Variants in GPC5 observed in about 807,000 individuals in gnomAD.
The protein encoded by GPC5 is glypican 5, also known as glypican-5.
GPC5 carries 47 observed loss-of-function variants against 53.9 expected under a neutral mutation model. The observed-to-expected ratio is 0.87, with a 90% confidence interval of 0.69 to 1.11. The LOEUF is 1.11. Among genes scored for constraint, GPC5 ranks in the 50% most tolerant of loss-of-function variants. The probability of loss-of-function intolerance (pLI) is 0.00; values close to 1 mark genes in which losing one functional copy is unlikely to be tolerated. For synonymous variants in GPC5, 286 were observed against 263.3 expected, an observed-to-expected ratio of 1.09 and a Z score of -0.84; for missense variants, 748 against 713.1, an observed-to-expected ratio of 1.05 and a Z score of -0.56.
Position 92,230,177 on chromosome 13 carries a change from T to G in GPC5, c.1561+85188T>G, listed in dbSNP as rs369871034. Among the ~76,000 whole-genome samples the G allele has an allele frequency of 4.6e-5, 7 of 152,316 alleles. No individual in the cohort carries two copies. In the East Asian group the frequency reaches 9.6e-4, roughly 21 times the overall value. ...TAACAGCTTTGCAAGTCATATGCACTGGCTTAATATCTCCATTACTCTTAT... is the reference window on the plus strand; with the variant it reads ...TAACAGCTTTGCAAGTCATATGCACGGGCTTAATATCTCCATTACTCTTAT... On this transcript the variant is annotated intron_variant, in intron 7 of 7. Coordinates refer to ENST00000377067, the MANE Select transcript of GPC5 (RefSeq NM_004466.6).
intron 1 of GPC5, among the ~76,000 whole-genome samples, chr13:91,432,588 G>A (rs563324610): frequency 3.9e-5 from 6 of 151,926 alleles, no homozygotes; most frequent in East Asian, 1.9e-4. Context: ...TGAATTTGTC[G>A]GTTGCCAAGT....
intron 2 of GPC5, among the ~76,000 whole-genome samples, chr13:91,541,138 C>G (rs529939719): frequency 5.3e-4 from 80 of 152,224 alleles, no homozygotes; most frequent in Non-Finnish European, 1.1e-3. Flanking sequence ...TTCTAATGCT[C>G]ATTCACATGA....
chr13:91,637,917 TCTC>T (rs1307079205), intron 2 of GPC5, among the ~76,000 whole-genome samples: 4 of 152,214 alleles, frequency 2.6e-5, no homozygotes, highest in Admixed American at 2.6e-4. Context: ...AGCCATTGCT[TCTC>T]CTGTGTTCCC....
intron 7 of GPC5, among the ~76,000 whole-genome samples, chr13:92,785,389 A>G (rs1180423613): frequency 6.6e-6 from 1 of 152,184 alleles, no homozygotes; most frequent in Non-Finnish European, 1.5e-5. Flanking sequence ...TCTCTCCCCA[A>G]GCTTTTAAGG....
At chr13:92,525,102 G>A (rs761126565) in intron 7 of GPC5, among the ~76,000 whole-genome samples, 2 of 152,084 alleles carry the variant, frequency 1.3e-5, no homozygotes, top group South Asian at 2.1e-4. Flanking sequence ...CCATACCATC[G>A]CATGGCACAT....
chr13:92,800,207 A>G (rs1048400177), intron 7 of GPC5, among the ~76,000 whole-genome samples: 1 of 151,844 alleles, frequency 6.6e-6, no homozygotes, highest in African/African-American at 2.4e-5. Context: ...CTGTAAAATA[A>G]TAGTTTTCAA....
chr13:92,725,705 T>A (rs567084625), intron 7 of GPC5, among the ~76,000 whole-genome samples: 123 of 151,712 alleles, frequency 8.1e-4, no homozygotes, highest in African/African-American at 2.7e-3. Context: ...TAACAAAAAA[T>A]TGGGCATTAC....
chr13:91,944,255 C>A (rs575871031), intron 6 of GPC5, among the ~76,000 whole-genome samples: 1 of 152,152 alleles, frequency 6.6e-6, no homozygotes, highest in Admixed American at 6.5e-5. Context: ...GCCACCACGC[C>A]CAGCTAATTT....
At chr13:92,013,525 T>G (rs566484731) in intron 6 of GPC5, among the ~76,000 whole-genome samples, 1 of 152,168 alleles carries the variant, frequency 6.6e-6, no homozygotes, top group African/African-American at 2.4e-5. Context: ...AACATTTGAT[T>G]GGCAAAAAGG....
chr13:92,239,818 A>T (rs2042596633), intron 7 of GPC5: 1 of 152,152 alleles, frequency 6.6e-6, no homozygotes, highest in Non-Finnish European at 1.5e-5. Flanking sequence ...ATACATATTA[A>T]AGTATATTTA....
chr13:92,144,984 C>T lies in GPC5; in HGVS notation c.1556C>T (p.Thr519Ile), dbSNP rs1286596565. ...SGEVKRTLKI[T>I]DWMPDDMNFS... is the part of the protein sequence containing the mutation. ...GAAGTCAAGAGGACACTGAAGATCA[C>T]AGACTGTAAGTGTATGATTCTAACA... Residue 519 changes from threonine (T) to isoleucine (I), a missense_variant, in exon 7 of 8, where the codon ACA becomes ATA. Physicochemically the swap from Thr to Ile is moderately conservative, Grantham distance 89 (BLOSUM62 -1). Transcript: ENST00000377067. 6.7e-7 allele frequency: 1 copy of T among 1,498,964 alleles called. No individual in the cohort carries two copies. Among genetic ancestry groups the T allele is most frequent in the Non-Finnish European group, 8.9e-7 (1 of 1,127,640 alleles). 92.9% of individuals were successfully genotyped at this position (1,498,964 alleles called of 1,614,324 possible). A position where few individuals can be genotyped will look rare whatever the true frequency, so the allele number is the denominator to read the frequency against.
chr13:92,084,424 G>T (rs1410467408), intron 6 of GPC5, among the ~76,000 whole-genome samples: 1 of 152,192 alleles, frequency 6.6e-6, no homozygotes, highest in African/African-American at 2.4e-5. Flanking sequence ...AGGTAAAATG[G>T]AAGAGTTGAG....
chr13:92,008,164 G>C (rs762734891), intron 6 of GPC5, among the ~76,000 whole-genome samples: 1 of 149,178 alleles, frequency 6.7e-6, no homozygotes, highest in Non-Finnish European at 1.5e-5. Flanking sequence ...CCGGGTTCAC[G>C]CCATTCTCCT....
At chr13:92,200,524 A>G (rs1012698886) in intron 7 of GPC5, among the ~76,000 whole-genome samples, 1 of 152,236 alleles carries the variant, frequency 6.6e-6, no homozygotes, top group African/African-American at 2.4e-5. Context: ...CTAGAAAATT[A>G]TAACAGTTGA....
At chr13:91,932,741 G>T (rs2039833526) in intron 6 of GPC5, among the ~76,000 whole-genome samples, 1 of 151,840 alleles carries the variant, frequency 6.6e-6, no homozygotes, top group Non-Finnish European at 1.5e-5. Context: ...GCACAGATTA[G>T]CTCTCAAATG....
At chr13:91,716,215 C>A (rs561082539) in intron 3 of GPC5, among the ~76,000 whole-genome samples, 1 of 152,126 alleles carries the variant, frequency 6.6e-6, no homozygotes, top group South Asian at 2.1e-4. Context: ...TATTGAGCAT[C>A]CTTGTATATG....
chr13:92,455,523 AAC>A (rs1202810746), intron 7 of GPC5, among the ~76,000 whole-genome samples: 2 of 152,172 alleles, frequency 1.3e-5, no homozygotes, highest in East Asian at 1.9e-4. Flanking sequence ...GTAACACAAA[AAC>A]ACACTGATTT....
intron 5 of GPC5, among the ~76,000 whole-genome samples, chr13:91,795,011 A>G (rs2038024548): frequency 6.6e-6 from 1 of 152,320 alleles, no homozygotes; most frequent in South Asian, 2.1e-4. Context: ...AGTTAATTTT[A>G]TTTAATGAAG....
At chr13:91,696,762 G>T (rs1433711785) in intron 3 of GPC5, among the ~76,000 whole-genome samples, 1 of 152,042 alleles carries the variant, frequency 6.6e-6, no homozygotes, top group Non-Finnish European at 1.5e-5. Context: ...CCTTATATTT[G>T]GTTAATGTTT....
Sources: gnomAD v4.1 joint callset for allele counts (sites outside exome capture counted in the v4.1 genomes callset) on GRCh38, gnomAD v4.1.1 for gene constraint, MANE v1.5 for transcripts, NCBI Gene and HGNC (gene_info 2026-07-23, HGNC 2026-07-21) for gene names.